Variants in GARNL3 observed in about 807,000 individuals in gnomAD.
The protein encoded by GARNL3 is GTPase-activating Rap/Ran-GAP domain-like protein 3.
A neutral mutation model predicts 125.0 loss-of-function variants in GARNL3; 63 were observed. The ratio of observed to expected loss-of-function variants is 0.50; its 90% CI spans 0.41 to 0.62. The LOEUF is 0.62. Among genes scored for constraint, GARNL3 ranks in the 20% least tolerant of loss-of-function variants. GARNL3 has a pLI of 0.00. For synonymous variants in GARNL3, 439 were observed against 457.5 expected (o/e 0.96, Z 0.52); for missense variants, 994 against 1,244.0 (o/e 0.80, Z 3.02).
intron 6 of GARNL3, among the ~76,000 whole-genome samples, chr9:127,321,972 C>T (rs957306066): frequency 2.6e-5 from 4 of 152,056 alleles, no homozygotes; most frequent in African/African-American, 7.2e-5. Flanking sequence ...TGGCTTACCC[C>T]AAATATAGAG....
intron 1 of GARNL3, among the ~76,000 whole-genome samples, chr9:127,278,053 T>A (rs138561031): frequency 1.3e-5 from 2 of 152,186 alleles, no homozygotes; most frequent in African/African-American, 4.8e-5. Flanking sequence ...TTTTCTTAAA[T>A]TTTTTATATT....
chr9:127,313,389 G>T, intron 3 of GARNL3, 52 bp from the exon 4 acceptor site: 1 of 1,274,258 alleles, frequency 7.8e-7, no homozygotes, highest in Non-Finnish European at 1.2e-6. Context: ...TCTACCATCT[G>T]TGGCTGGCAG....
rs1400857775 is a variant in GARNL3, at chr9:127,364,071, T to G, written c.2095-1229T>G. 6.6e-6 allele frequency: 1 copy of G among 152,266 alleles called. No homozygotes were observed. Among genetic ancestry groups the G allele is most frequent in the Non-Finnish European group, 1.5e-5 (1 of 68,078 alleles). The allele number at this position is 152,266 out of a possible 1,614,324, so 9.4% of individuals were successfully genotyped here. A position where few individuals can be genotyped will look rare whatever the true frequency, so the allele number is the denominator to read the frequency against. ...GACAGGGCTTGATCTCCCATCTGTCTGCCCAGTCTGTGCCCCTCCAACCAC... is the reference window on the plus strand; with the variant it reads ...GACAGGGCTTGATCTCCCATCTGTCGGCCCAGTCTGTGCCCCTCCAACCAC... On this transcript the variant is annotated intron_variant, in intron 21 of 27. Coordinates refer to ENST00000373387, the MANE Select transcript of GARNL3 (RefSeq NM_032293.5). This position sits in a 1 kb window ranked among gnomAD's most constrained non-coding sequence, Gnocchi z 4.2.
chr9:127,390,681 A>G lies in GARNL3; in HGVS notation c.2784A>G (p.Pro928=), dbSNP rs1377421719. 1.2e-6 allele frequency: 2 copies of G among 1,613,990 alleles called. No individual in the cohort carries two copies. The highest frequency in any genetic ancestry group is 2.2e-5 in the East Asian group (1 of 44,884). The change falls in exon 27 of 28, where the codon CCA becomes CCG. Residue 928 remains proline, a synonymous_variant. Coordinates refer to ENST00000373387, the MANE Select transcript of GARNL3 (RefSeq NM_032293.5). ...GTGGACCCAAGTCAGAAGGAGCGCC[A>G]AAGGCCAAATCAAAACCCCGGAAGC... ...DEGGPKSEGA[P]KAKSKPRKRL... is the part of the protein sequence containing the mutation.
Position 127,225,547 on chromosome 9 carries a change from A to G in GARNL3, c.-29+1209A>G, listed in dbSNP as rs7038887. 1.8e-3 allele frequency: 401 copies of G among 221,052 alleles called. No homozygotes were observed. In the Middle Eastern group the frequency reaches 0.019, roughly 10 times the overall value. The allele number at this position is 221,052 out of a possible 1,614,324, so 13.7% of individuals were successfully genotyped here. A position where few individuals can be genotyped will look rare whatever the true frequency, so the allele number is the denominator to read the frequency against. On this transcript the variant is annotated intron_variant, in intron 1 of 10. Transcript: ENST00000439286. ...AGACCGGGCGCGGAGCCCGGGCTGA[A>G]CGGCCGTGGGCTGTGGGAGGGGCCG...
intron 19 of GARNL3, among the ~76,000 whole-genome samples, 178 bp downstream of exon 19, chr9:127,354,588 C>T (rs1830588073): frequency 6.6e-6 from 1 of 152,246 alleles, no homozygotes; most frequent in South Asian, 2.1e-4. Context: ...TAGACAAACA[C>T]ATTGAGGACT....
At chr9:127,292,492 T>C (rs2064452404) in intron 2 of GARNL3, among the ~76,000 whole-genome samples, 1 of 152,232 alleles carries the variant, frequency 6.6e-6, no homozygotes, top group Non-Finnish European at 1.5e-5. Flanking sequence ...GCGGCCACCA[T>C]GCCGAGTTTC....
intron 7 of GARNL3, among the ~76,000 whole-genome samples, chr9:127,332,005 T>G (rs956419616): frequency 3.9e-5 from 6 of 152,104 alleles, no homozygotes; most frequent in African/African-American, 9.7e-5. Flanking sequence ...AGAACAGAAC[T>G]GGTATCCTAG....
chr9:127,241,647 G>A (rs1007231636), intron 1 of GARNL3, among the ~76,000 whole-genome samples: 1 of 152,182 alleles, frequency 6.6e-6, no homozygotes, highest in African/African-American at 2.4e-5. Flanking sequence ...ATACCAGAGG[G>A]ACCTGACAAG....
intron 1 of GARNL3, among the ~76,000 whole-genome samples, chr9:127,231,032 ATACATATATATATATATATTTTTTTTT>A (rs1354629713): frequency 1.9e-5 from 1 of 51,492 alleles, no homozygotes; most frequent in Non-Finnish European, 3.6e-5. Flanking sequence ...ATATGTATAT[ATACATATATATATATATATTTTTTTTT>A]TTTTTTTTTT....
chr9:127,304,798 A>G (rs2064902901), intron 2 of GARNL3, among the ~76,000 whole-genome samples: 1 of 152,048 alleles, frequency 6.6e-6, no homozygotes, highest in African/African-American at 2.4e-5. Context: ...CGGCTTCCCA[A>G]AGTGCTAGGA....
intron 2 of GARNL3, among the ~76,000 whole-genome samples, chr9:127,307,377 A>G (rs1349793453): frequency 2.0e-5 from 3 of 152,182 alleles, no homozygotes; most frequent in Non-Finnish European, 4.4e-5. Context: ...TGTTGCTGCT[A>G]CCTGAAAGAA....
intron 1 of GARNL3, among the ~76,000 whole-genome samples, chr9:127,278,317 G>A (rs1481867321): frequency 6.6e-6 from 1 of 152,132 alleles, no homozygotes; most frequent in Non-Finnish European, 1.5e-5. Flanking sequence ...TAAAAACAAA[G>A]TATAGTCTTT....
intron 1 of GARNL3, among the ~76,000 whole-genome samples, chr9:127,270,888 G>A (rs545796559): frequency 4.3e-5 from 6 of 140,910 alleles, no homozygotes; most frequent in Non-Finnish European, 8.8e-5. Context: ...GTTGGCCACC[G>A]TGGTCTCTTC....
At position 127,310,758 on chromosome 9, in the gene GARNL3, A is replaced by G. The variant is rs141130750; in HGVS notation, c.220-878A>G. On this transcript the variant is annotated intron_variant, in intron 2 of 27. Coordinates refer to ENST00000373387, the MANE Select transcript of GARNL3 (RefSeq NM_032293.5). ...CACTGCACTCCAGCCTGTGCAACAG[A>G]GTAAGACTCTGTCTCAAAAAAAAAA... Among the ~76,000 whole-genome samples, 842 of 148,496 alleles carry G rather than the reference A, an allele frequency of 5.7e-3. 4 individuals are homozygous for G. The highest frequency in any genetic ancestry group is 7.9e-3 in the Admixed American group (118 of 14,856).
chr9:127,327,028 G>A (rs2065595106), intron 7 of GARNL3, among the ~76,000 whole-genome samples: 3 of 152,012 alleles, frequency 2.0e-5, no homozygotes, highest in African/African-American at 4.8e-5. Flanking sequence ...TTTACTTATT[G>A]GCATGGAAAG....
At chr9:127,355,549 G>A (rs187339349) in intron 20 of GARNL3, 77 bp downstream of exon 20, 1 of 1,388,134 alleles carries the variant, frequency 7.2e-7, no homozygotes, top group Admixed American at 1.7e-5. Flanking sequence ...CCCAGAGTTT[G>A]TTACCCACTG....
chr9:127,316,794 A>C lies in GARNL3; in HGVS notation c.439-1269A>C, dbSNP rs145939021. Among the ~76,000 whole-genome samples, 804 of 152,228 alleles carry C rather than the reference A, an allele frequency of 5.3e-3. 7 individuals are homozygous for C. The highest frequency in any genetic ancestry group is 0.018 in the African/African-American group (766 of 41,526). ...CAGGTCTCCAAGGATGTAGTTATGA[A>C]AGTTTTGTTTATGCAACGAGACCAT... On this transcript the variant is annotated intron_variant, in intron 4 of 27. Transcript: ENST00000373387.
At chr9:127,339,994 C>T (rs1487721932) in intron 13 of GARNL3, among the ~76,000 whole-genome samples, 2 of 152,158 alleles carry the variant, frequency 1.3e-5, no homozygotes, top group Non-Finnish European at 2.9e-5. Context: ...ACTAAGGACC[C>T]TCGGGCCTCA....
Sources: gnomAD v4.1 joint callset for allele counts (sites outside exome capture counted in the v4.1 genomes callset) on GRCh38, gnomAD v4.1.1 for gene constraint, Gnocchi (gnomAD v3.1) non-coding constraint, MANE v1.5 for transcripts, NCBI Gene and HGNC (gene_info 2026-07-23, HGNC 2026-07-21) for gene names.